The following NRK variants were observed in gnomAD, a reference collection of about 807,000 sequenced individuals.
The protein encoded by NRK is nik-related protein kinase.
Under a neutral mutation model 125.2 loss-of-function variants are expected in NRK, and 67 were observed. That is an observed-to-expected ratio of 0.54 (90% CI 0.44 to 0.66). NRK has a LOEUF of 0.66. NRK is among the 30% of genes least tolerant of loss of function. The probability of loss-of-function intolerance (pLI) is 0.00; values close to 1 mark genes in which losing one functional copy is unlikely to be tolerated. For synonymous variants in NRK, 458 were observed against 429.0 expected, an observed-to-expected ratio of 1.07 and a Z score of -0.84; for missense variants, 1,224 against 1,192.9, an observed-to-expected ratio of 1.03 and a Z score of -0.38.
chrX:105,840,002 G>A (rs762768532), intron 2 of NRK, among the ~76,000 whole-genome samples: 100 of 111,709 alleles, frequency 9.0e-4, no homozygotes, highest in African/African-American at 3.0e-3. Flanking sequence ...AAACAGCATA[G>A]GCTAAATAAA....
intron 19 of NRK, among the ~76,000 whole-genome samples, chrX:105,931,954 C>T (rs1452413426): frequency 9.0e-6 from 1 of 111,460 alleles, no homozygotes; most frequent in Non-Finnish European, 1.9e-5. Context: ...TATCCATTTT[C>T]AGAACTTATT....
chrX:105,857,526 TA>T (rs2039545952), intron 2 of NRK, among the ~76,000 whole-genome samples: 1 of 111,540 alleles, frequency 9.0e-6, no homozygotes, highest in Admixed American at 9.5e-5. Flanking sequence ...TGAGGCCAAA[TA>T]AACAAATACC....
chrX:105,879,049 T>G (rs1337169425), intron 2 of NRK, among the ~76,000 whole-genome samples: 9 of 111,318 alleles, frequency 8.1e-5, no homozygotes, highest in Non-Finnish European at 7.6e-5. Context: ...TCAACAATCC[T>G]TGACATTTCT....
chrX:105,877,364 A>G (rs937818667), intron 2 of NRK, among the ~76,000 whole-genome samples: 2 of 111,660 alleles, frequency 1.8e-5, no homozygotes, highest in Non-Finnish European at 3.8e-5. Context: ...GAAAAAGGAC[A>G]TTAGTGAGAA....
chrX:105,937,212 A>C (rs1243181755), intron 21 of NRK, among the ~76,000 whole-genome samples: 1 of 110,204 alleles, frequency 9.1e-6, no homozygotes, highest in African/African-American at 3.3e-5. Flanking sequence ...ACACAGTATG[A>C]GGTGAATATA....
At position 105,888,207 on chromosome X, in the gene NRK, T is replaced by TA. The variant is rs1460391177; in HGVS notation, c.253-87_253-86insA. ...TGGATATAATTAGTTGCCATAGGAT[T>TA]CTCCTTCATTGATATACTGTACTTT... On this transcript the variant is annotated intron_variant, in intron 4 of 28. Coordinates refer to ENST00000243300, the MANE Select transcript of NRK (RefSeq NM_198465.4). 31 of 709,573 alleles carry TA rather than the reference T, an allele frequency of 4.4e-5. No individual in the cohort carries two copies. The South Asian group carries it at 1.2e-3, about 27-fold the overall frequency. The allele number at this position is 709,573 out of a possible 1,213,427, so 58.5% of individuals were successfully genotyped here.
chrX:105,903,733 A>T (rs182355913), intron 9 of NRK, among the ~76,000 whole-genome samples: 4 of 111,578 alleles, frequency 3.6e-5, no homozygotes, highest in Non-Finnish European at 7.5e-5. Flanking sequence ...CGTTAAAGAA[A>T]ACTTACCTAG....
rs1367626553 is a variant in NRK at position 105,958,373 on chromosome X, T to C, written c.*2773T>C. 1 of 112,277 alleles carries C rather than the reference T, an allele frequency of 8.9e-6. No homozygotes were observed. The highest frequency in any genetic ancestry group is 3.2e-5 in the African/African-American group (1 of 30,904). The allele number at this position is 112,277 out of a possible 1,213,427, so 9.3% of individuals were successfully genotyped here. On this transcript the variant is annotated 3_prime_UTR_variant, in exon 29 of 29. Coordinates refer to ENST00000243300, the MANE Select transcript of NRK (RefSeq NM_198465.4). ...TAGCGCTATCAGTTTCTAAATGCAT[T>C]AATTACTAACTGCCCTCTCCCAAGA...
At chrX:105,946,068 G>T in intron 25 of NRK, 53 bp downstream of exon 25, 1 of 1,094,793 alleles carries the variant, frequency 9.1e-7, no homozygotes, top group African/African-American at 1.8e-5. Flanking sequence ...AGGCTCTTAT[G>T]ATCATTGCCA....
Position 105,884,356 on chromosome X carries a change from G to A in NRK, c.252+2577G>A, listed in dbSNP as rs956161149. On this transcript the variant is annotated intron_variant, in intron 4 of 28. Coordinates refer to ENST00000243300, the MANE Select transcript of NRK (RefSeq NM_198465.4). Reference sequence around the variant, plus strand: ...TTGCAAACTTTTTTTTTTTTTACGAGATATAAATACCGGGCATTTTAGGGG... The same window carrying A: ...TTGCAAACTTTTTTTTTTTTTACGAAATATAAATACCGGGCATTTTAGGGG... Among the ~76,000 whole-genome samples the A allele has an allele frequency of 4.6e-5, 5 of 109,197 alleles. No homozygotes were observed. In the Admixed American group the frequency reaches 4.9e-4, roughly 11 times the overall value. The allele number at this position is 109,197 out of a possible 115,157, so 94.8% of individuals were successfully genotyped here. A position where few individuals can be genotyped will look rare whatever the true frequency, so the allele number is the denominator to read the frequency against.
intron 9 of NRK, among the ~76,000 whole-genome samples, chrX:105,903,394 A>G (rs887640511): frequency 9.0e-6 from 1 of 111,495 alleles, no homozygotes; most frequent in African/African-American, 3.3e-5. Context: ...CCATCCCATC[A>G]AGAGGCTTAT....
intron 2 of NRK, among the ~76,000 whole-genome samples, chrX:105,865,679 A>G (rs1398242149): frequency 8.9e-6 from 1 of 111,857 alleles, no homozygotes; most frequent in Non-Finnish European, 1.9e-5. Context: ...TTGTATATTA[A>G]TAAATAAAAT....
intron 4 of NRK, among the ~76,000 whole-genome samples, chrX:105,887,069 A>G (rs2039956644): frequency 8.9e-6 from 1 of 112,034 alleles, no homozygotes; most frequent in Admixed American, 9.5e-5. Context: ...AAGCAACAAA[A>G]CAACAAATTT....
rs866069561 is a variant in NRK at position 105,871,162 on chromosome X, G to A, written c.124-9037G>A. Among the ~76,000 whole-genome samples the A allele has an allele frequency of 8.1e-5, 9 of 111,547 alleles. No individual in the cohort carries two copies. In the South Asian group the frequency reaches 1.9e-3, roughly 23 times the overall value. The stretch of plus-strand genomic sequence containing the variant: ...AAGTAATGTTACCTGACAAACTTTT[G>A]TCAATTTGGCAAGAGCCTTGGCACT... On this transcript the variant is annotated intron_variant, in intron 2 of 28. Coordinates refer to ENST00000243300, the MANE Select transcript of NRK (RefSeq NM_198465.4).
At chrX:105,846,839 T>C (rs751655799) in intron 2 of NRK, among the ~76,000 whole-genome samples, 9 of 112,286 alleles carry the variant, frequency 8.0e-5, no homozygotes, top group African/African-American at 2.6e-4. Flanking sequence ...CAATTACAAT[T>C]CAAGATAACT....
Position 105,946,451 on chromosome X carries a change from C to A in NRK, c.4340C>A (p.Thr1447Asn). 8.4e-7 allele frequency: 1 copy of A among 1,185,580 alleles called. No individual in the cohort carries two copies. The highest frequency in any genetic ancestry group is 1.8e-5 in the African/African-American group (1 of 57,047). The change falls in exon 26 of 29, where the codon ACC (threonine) becomes AAC (asparagine). Residue 1447 changes from threonine to asparagine, a missense_variant. Transcript: ENST00000243300. ...DAESEVMSDV[T>N]LPKNPLEIII... ...GAATCTGAGGTTATGTCTGATGTGACCCTGCCAAAGAATGTAAGATAACAC... is the reference window on the plus strand; with the variant it reads ...GAATCTGAGGTTATGTCTGATGTGAACCTGCCAAAGAATGTAAGATAACAC...
At chrX:105,832,235 C>T (rs896053423) in intron 2 of NRK, among the ~76,000 whole-genome samples, 2 of 110,481 alleles carry the variant, frequency 1.8e-5, no homozygotes, top group Non-Finnish European at 1.9e-5. Flanking sequence ...GGAAAGTGAC[C>T]GTTAAACTGA....
At chrX:105,851,156 G>A (rs922056489) in intron 2 of NRK, among the ~76,000 whole-genome samples, 4 of 111,807 alleles carry the variant, frequency 3.6e-5, no homozygotes, top group Admixed American at 2.8e-4. Context: ...GGAACAAAAC[G>A]CCCTTATTTC....
chrX:105,846,354 A>G (rs1428034221), intron 2 of NRK, among the ~76,000 whole-genome samples: 3 of 111,852 alleles, frequency 2.7e-5, no homozygotes, highest in Non-Finnish European at 5.6e-5. Flanking sequence ...TATGTAGGAC[A>G]TGAATGGTCA....
Sources: allele counts gnomAD v4.1 joint callset (sites outside exome capture counted in the v4.1 genomes callset), GRCh38; gene constraint gnomAD v4.1.1; transcripts MANE v1.5; gene names NCBI Gene and HGNC (gene_info 2026-07-23, HGNC 2026-07-21).